Variants in PLEKHG7 observed in about 807,000 individuals in gnomAD.
PLEKHG7 encodes the protein pleckstrin homology and RhoGEF domain containing G7, also known as pleckstrin homology domain-containing family G member 7.
A neutral mutation model predicts 85.2 loss-of-function variants in PLEKHG7; 77 were observed. That is an observed-to-expected ratio of 0.90 (90% CI 0.75 to 1.09). The LOEUF (loss-of-function observed/expected upper bound fraction) is 1.09, where lower values mean the gene tolerates loss of function less well. PLEKHG7 is among the 50% of genes least tolerant of loss of function. The probability of loss-of-function intolerance (pLI) is 0.00; values close to 1 mark genes in which losing one functional copy is unlikely to be tolerated. For missense variants in PLEKHG7, 777 were observed against 804.3 expected (o/e 0.97, Z 0.41); for synonymous variants, 301 against 302.4 (o/e 1.00, Z 0.05).
intron 3 of PLEKHG7, among the ~76,000 whole-genome samples, chr12:92,719,118 C>T (rs7299579): frequency 0.47 from 72,092 of 152,024 alleles, 18,094 homozygotes; most frequent in East Asian, 0.89. Flanking sequence ...AAACCATAGT[C>T]GAACATACAA....
At chr12:92,721,971 A>T (rs2136583006) in intron 3 of PLEKHG7, among the ~76,000 whole-genome samples, 1 of 151,940 alleles carries the variant, frequency 6.6e-6, no homozygotes, top group African/African-American at 2.4e-5. Flanking sequence ...TGCTTAGGGG[A>T]GGGAGATAAG....
At chr12:92,760,926 C>T (rs1383008498) in intron 13 of PLEKHG7, among the ~76,000 whole-genome samples, 1 of 152,274 alleles carries the variant, frequency 6.6e-6, no homozygotes, top group East Asian at 1.9e-4. Context: ...CTGACTTAAA[C>T]AGCAGAAATT....
chr12:92,748,350 G>A (rs1218514835), intron 10 of PLEKHG7, among the ~76,000 whole-genome samples: 2 of 151,804 alleles, frequency 1.3e-5, no homozygotes, highest in African/African-American at 2.4e-5. Flanking sequence ...AGGTTCAAGC[G>A]ATTCTTCTGC....
At chr12:92,743,463 G>A (rs140886304) in intron 9 of PLEKHG7, among the ~76,000 whole-genome samples, 287 of 151,930 alleles carry the variant, frequency 1.9e-3, no homozygotes, top group African/African-American at 6.6e-3. Flanking sequence ...AGAAACTGAG[G>A]CTTAGAGAGG....
chr12:92,718,172 G>C (rs952629676), intron 3 of PLEKHG7, among the ~76,000 whole-genome samples: 1 of 152,076 alleles, frequency 6.6e-6, no homozygotes, highest in Non-Finnish European at 1.5e-5. Context: ...CAGCTTCTTC[G>C]GGGCTTTAAG....
At chr12:92,736,768 G>T (rs540198992) in intron 6 of PLEKHG7, among the ~76,000 whole-genome samples, 191 bp downstream of exon 6, 18 of 152,170 alleles carry the variant, frequency 1.2e-4, no homozygotes, top group African/African-American at 4.1e-4. Context: ...GGGGAAAGTC[G>T]TTTTATCTTA....
chr12:92,729,553 G>A (rs1401003088), intron 4 of PLEKHG7, among the ~76,000 whole-genome samples: 1 of 151,844 alleles, frequency 6.6e-6, no homozygotes, highest in East Asian at 1.9e-4. Flanking sequence ...GGGAGGCAGA[G>A]GTGCCGGTGG....
chr12:92,735,238 A>G (rs961882141), intron 5 of PLEKHG7, among the ~76,000 whole-genome samples: 20 of 152,210 alleles, frequency 1.3e-4, no homozygotes, highest in African/African-American at 4.1e-4. Context: ...CAAAAGGCAT[A>G]TGTCCCAATT....
At chr12:92,769,529 A>G (rs1873337658) in intron 16 of PLEKHG7, among the ~76,000 whole-genome samples, 1 of 152,190 alleles carries the variant, frequency 6.6e-6, no homozygotes, top group South Asian at 2.1e-4. Flanking sequence ...CAGCTTGTCA[A>G]CCTTTGAAAA....
chr12:92,765,733 G>A (rs1873177134), intron 15 of PLEKHG7, among the ~76,000 whole-genome samples: 2 of 152,090 alleles, frequency 1.3e-5, no homozygotes, highest in South Asian at 2.1e-4. Context: ...GTTCGAGGCT[G>A]CAGTGAGCTA....
chr12:92,703,464 G>A (rs1871143128), intron 1 of PLEKHG7, among the ~76,000 whole-genome samples: 1 of 152,226 alleles, frequency 6.6e-6, no homozygotes, highest in African/African-American at 2.4e-5. Context: ...TCCACTGGGT[G>A]TAGTCATTTA....
intron 10 of PLEKHG7, among the ~76,000 whole-genome samples, chr12:92,751,275 G>A (rs1005033262): frequency 6.6e-6 from 1 of 152,164 alleles, no homozygotes; most frequent in Non-Finnish European, 1.5e-5. Flanking sequence ...GGTCCAGAGA[G>A]AGAAGGTGGT....
chr12:92,763,100 G>A (rs1873085126), intron 14 of PLEKHG7, among the ~76,000 whole-genome samples: 2 of 152,106 alleles, frequency 1.3e-5, no homozygotes, highest in Admixed American at 1.3e-4. Flanking sequence ...ATGAATTAAT[G>A]GCAGCCCATG....
chr12:92,764,977 C>A (rs973021830), intron 15 of PLEKHG7, among the ~76,000 whole-genome samples: 1 of 152,078 alleles, frequency 6.6e-6, no homozygotes, highest in African/African-American at 2.4e-5. Context: ...TGAGGCCAGG[C>A]AGGTGGGGAC....
At position 92,761,747 on chromosome 12, in the gene PLEKHG7, CTCAGAAAGCACGAGATTCCTAGATGT is replaced by C; in HGVS notation, c.1637-3_1659del. 1 of 1,559,152 alleles carries C rather than the reference CTCAGAAAGCACGAGATTCCTAGATGT, an allele frequency of 6.4e-7. No individual in the cohort carries two copies. The highest frequency in any genetic ancestry group is 8.6e-7 in the Non-Finnish European group (1 of 1,160,950). ...CCCCATTTCAGCTTCTCTTTTTTTC[CTCAGAAAGCACGAGATTCCTAGATGT>C]TTATCTGTTTCTCTTCAATGATTTC... On this transcript the variant is annotated splice_acceptor_variant and splice_polypyrimidine_tract_variant and coding_sequence_variant and intron_variant, in exon 14 of 17. Transcript: ENST00000344636. LOFTEE classifies it high-confidence loss of function.
chr12:92,735,446 C>G (rs1872115700), intron 5 of PLEKHG7, among the ~76,000 whole-genome samples: 1 of 152,182 alleles, frequency 6.6e-6, no homozygotes, highest in Non-Finnish European at 1.5e-5. Flanking sequence ...ATAACCTGTG[C>G]CTTCTCTTGC....
At chr12:92,707,607 G>T in intron 2 of PLEKHG7, 43 bp from the exon 3 acceptor site, 1 of 1,602,964 alleles carries the variant, frequency 6.2e-7, no homozygotes, top group Non-Finnish European at 8.5e-7. Flanking sequence ...TTTGGGATGG[G>T]TTTGAGCAAG....
chr12:92,721,354 C>A, intron 3 of PLEKHG7: 2 of 863,710 alleles, frequency 2.3e-6, no homozygotes, highest in Non-Finnish European at 3.1e-6. Flanking sequence ...GGGGGGAATT[C>A]CCGGGATGCT....
rs754140487 is a variant in PLEKHG7 at position 92,706,901 on chromosome 12, A to G, written c.270A>G (p.Gly90=). 6.2e-7 allele frequency: 1 copy of G among 1,614,076 alleles called. No homozygotes were observed. Among genetic ancestry groups the G allele is most frequent in the South Asian group, 1.1e-5 (1 of 91,086 alleles). Residue 90 remains glycine, a synonymous_variant, in exon 2 of 17, where the codon GGA becomes GGG. Coordinates refer to ENST00000344636, the MANE Select transcript of PLEKHG7 (RefSeq NM_001377329.1). ...GTTACCTTTCGAAGAGCCTGCCAGG[A>G]AGCCCAAAGGATTCTTCACACTTGC... is the stretch of plus-strand genomic sequence containing the variant. ...FPCYLSKSLP[G]SPKDSSHLLS...
Sources: gnomAD v4.1 joint callset for allele counts (sites outside exome capture counted in the v4.1 genomes callset) on GRCh38, gnomAD v4.1.1 for gene constraint, MANE v1.5 for transcripts, NCBI Gene and HGNC (gene_info 2026-07-23, HGNC 2026-07-21) for gene names.